Variants in PIH1D1 observed in about 807,000 individuals in gnomAD.
The protein encoded by PIH1D1 is PIH1 domain-containing protein 1.
In PIH1D1, 28 loss-of-function variants were observed where a neutral mutation model predicts 38.5. The observed-to-expected ratio is 0.73, with a 90% CI of 0.54 to 1.00. PIH1D1 has a LOEUF of 1.00. Ranked by LOEUF, PIH1D1 falls within the 50% of genes least tolerant of loss-of-function variation. The pLI, the probability that PIH1D1 is intolerant of heterozygous loss-of-function variation, is 0.00. For synonymous variants in PIH1D1, 155 were observed against 153.5 expected, an observed-to-expected ratio of 1.01 and a Z score of -0.07; for missense variants, 343 against 369.9, an observed-to-expected ratio of 0.93 and a Z score of 0.60.
At position 49,447,077 on chromosome 19, in the gene PIH1D1, G is replaced by C; in HGVS notation, c.634C>G (p.Leu212Val). The C allele has an allele frequency of 6.2e-7, 1 of 1,613,316 alleles. No homozygotes were observed. Among genetic ancestry groups the C allele is most frequent in the African/African-American group, 1.3e-5 (1 of 74,942 alleles). Residue 212 changes from leucine (L) to valine (V), a missense_variant, in exon 7 of 9, where the codon CTG (leucine) becomes GTG (valine). Coordinates refer to ENST00000262265, the MANE Select transcript of PIH1D1 (RefSeq NM_017916.3). ...AGGAGGTCGGGGGCTTCCAGCCACAGGTTCAGGTGAGGCTTTTCAGGCCTG... is the reference window on the plus strand; with the variant it reads ...AGGAGGTCGGGGGCTTCCAGCCACACGTTCAGGTGAGGCTTTTCAGGCCTG... ...ESGPEKPHLN[L>V]WLEAPDLLLA...
intron 2 of PIH1D1, among the ~76,000 whole-genome samples, chr19:49,450,572 C>T (rs2079052102): frequency 1.3e-5 from 2 of 152,176 alleles, no homozygotes; most frequent in Admixed American, 6.5e-5. Flanking sequence ...GCACGTGCCA[C>T]CGCACCTGGC....
chr19:49,451,150 C>T (rs561838631), intron 1 of PIH1D1, among the ~76,000 whole-genome samples: 2 of 151,666 alleles, frequency 1.3e-5, no homozygotes, highest in East Asian at 3.9e-4. Flanking sequence ...CTGCCTCAGC[C>T]TCTCCAGTAG....
chr19:49,449,313 G>T, intron 3 of PIH1D1, 162 bp downstream of exon 3: 1 of 755,006 alleles, frequency 1.3e-6, no homozygotes, highest in Non-Finnish European at 2.3e-6. Flanking sequence ...GCCCGGGTGT[G>T]GGATGTCCAG....
chr19:49,451,368 C>A, intron 1 of PIH1D1, 117 bp downstream of exon 1: 2 of 1,457,972 alleles, frequency 1.4e-6, no homozygotes, highest in South Asian at 1.2e-5. Flanking sequence ...GCCCATTAAC[C>A]TCAATTCCCC....
chr19:49,451,549 A>G lies in PIH1D1; in HGVS notation c.26T>C (p.Met9Thr), dbSNP rs145833297. ...GATCGCCTCCGCCTCGCTTAGCCCC[A>G]TTCCCAGCAGCTTCGGGTTCGCCAT... is the stretch of plus-strand genomic sequence containing the variant. Reference protein sequence around the residue: MANPKLLGMGLSEAEAIGA... With the variant: MANPKLLGTGLSEAEAIGA... Residue 9 changes from methionine (M) to threonine (T), a missense_variant, in exon 1 of 9, where the codon ATG becomes ACG. Coordinates refer to ENST00000262265, the MANE Select transcript of PIH1D1 (RefSeq NM_017916.3). The G allele has an allele frequency of 4.0e-5, 64 of 1,613,486 alleles. No homozygotes were observed. In the African/African-American group the frequency reaches 6.1e-4, roughly 15 times the overall value.
chr19:49,449,802 T>TC (rs2079047347), intron 2 of PIH1D1, 148 bp from the exon 3 acceptor site: 1 of 575,564 alleles, frequency 1.7e-6, no homozygotes, highest in East Asian at 2.9e-5. Context: ...CTCTTTTTTT[T>TC]TTTTTTTTTT....
intron 3 of PIH1D1, 117 bp from the exon 4 acceptor site, chr19:49,448,179 T>TA: frequency 2.9e-6 from 3 of 1,043,566 alleles, no homozygotes; most frequent in Non-Finnish European, 4.3e-6. Flanking sequence ...GAGAGAGACA[T>TA]AAGGAAGTGA....
rs1162263580 is a variant in PIH1D1, at chr19:49,451,559, G to A, written c.16C>T (p.Leu6=). 1.2e-6 allele frequency: 2 copies of A among 1,613,402 alleles called. No individual in the cohort carries two copies. The highest frequency in any genetic ancestry group is 1.7e-6 in the Non-Finnish European group (2 of 1,179,930). The change falls in exon 1 of 9, where the codon CTG becomes TTG. Residue 6 remains leucine, a synonymous_variant. Coordinates refer to ENST00000262265, the MANE Select transcript of PIH1D1 (RefSeq NM_017916.3). ...GCCTCGCTTAGCCCCATTCCCAGCA[G>A]CTTCGGGTTCGCCATGGCCCTGGGA... MANPK[L]LGMGLSEAEA...
chr19:49,446,438 C>G lies in PIH1D1; in HGVS notation c.832-15G>C, dbSNP rs896127345. 1 of 1,133,300 alleles carries G rather than the reference C, an allele frequency of 8.8e-7. No individual in the cohort carries two copies. The highest frequency in any genetic ancestry group is 1.7e-5 in the Admixed American group (1 of 59,442). The allele number at this position is 1,133,300 out of a possible 1,614,324, so 70.2% of individuals were successfully genotyped here. A position where few individuals can be genotyped will look rare whatever the true frequency, so the allele number is the denominator to read the frequency against. On this transcript the variant is annotated splice_polypyrimidine_tract_variant and intron_variant, in intron 8 of 8. Coordinates refer to ENST00000262265, the MANE Select transcript of PIH1D1 (RefSeq NM_017916.3). Reference sequence around the variant, plus strand: ...ACCATTAATTGCTGAGGAGACAGAGCAAAGAGAATGAGGATCCAGGACCCA... The same window carrying G: ...ACCATTAATTGCTGAGGAGACAGAGGAAAGAGAATGAGGATCCAGGACCCA...
At chr19:49,448,873 A>AG (rs1277091336) in intron 3 of PIH1D1, 34 of 194,400 alleles carry the variant, frequency 1.7e-4, no homozygotes, top group African/African-American at 7.6e-4. Flanking sequence ...GAAAGGGAGA[A>AG]GGGCAGAGGA....
chr19:49,446,747 G>C (rs776906760), intron 7 of PIH1D1, 53 bp from the exon 8 acceptor site: 5 of 1,512,610 alleles, frequency 3.3e-6, no homozygotes, highest in Non-Finnish European at 4.4e-6. Context: ...ATGATCACCT[G>C]GACCAGGCAT....
chr19:49,447,210 CAGG>C lies in PIH1D1; in HGVS notation c.612-114_612-112del, dbSNP rs1378957526. On this transcript the variant is annotated intron_variant, in intron 6 of 8. Coordinates refer to ENST00000262265, the MANE Select transcript of PIH1D1 (RefSeq NM_017916.3). ...ATTGGCCTCAGGACGCCTTCCCAGT[CAGG>C]AGTTCTCTCTCCTCCCTCTCTCAGT... The C allele has an allele frequency of 7.4e-6, 11 of 1,487,508 alleles. No homozygotes were observed. In the Middle Eastern group the frequency reaches 6.3e-4, roughly 85 times the overall value. 92.1% of individuals were successfully genotyped at this position (1,487,508 alleles called of 1,614,324 possible). A position where few individuals can be genotyped will look rare whatever the true frequency, so the allele number is the denominator to read the frequency against.
In PIH1D1 at chr19:49,446,643, C is replaced by A; in HGVS notation, c.739G>T (p.Gly247Trp). 1 of 1,603,920 alleles carries A rather than the reference C, an allele frequency of 6.2e-7. No individual in the cohort carries two copies. Among genetic ancestry groups the A allele is most frequent in the East Asian group, 2.2e-5 (1 of 44,742 alleles). Residue 247 changes from glycine to tryptophan, a missense_variant, in exon 8 of 9, where the codon GGG becomes TGG. Gly to Trp is a radical substitution (Grantham distance 184, BLOSUM62 -2). Coordinates refer to ENST00000262265, the MANE Select transcript of PIH1D1 (RefSeq NM_017916.3). ...LEIGENRLVM[G>W]GPQQLYHLDA... ...AGATGATACAGCTGCTGGGGGCCCC[C>A]CATCACCAGGCGGTTCTCCCCGATC...
intron 3 of PIH1D1, 136 bp from the exon 4 acceptor site, chr19:49,448,198 C>T: frequency 1.2e-6 from 1 of 840,042 alleles, no homozygotes; most frequent in Non-Finnish European, 1.9e-6. Flanking sequence ...GAGAGCTGGG[C>T]ACTCACTTTC....
chr19:49,446,718 C>T (rs2079025641), intron 7 of PIH1D1, 24 bp from the exon 8 acceptor site: 4 of 1,533,778 alleles, frequency 2.6e-6, no homozygotes, highest in Non-Finnish European at 3.5e-6. Context: ...GGAATCAGGT[C>T]ACCCTCCCCA....
intron 1 of PIH1D1, 158 bp downstream of exon 1, chr19:49,451,326 GC>G (rs370911909): frequency 1.9e-6 from 2 of 1,042,596 alleles, no homozygotes; most frequent in Admixed American, 2.4e-5. Flanking sequence ...ACCGCGCCCG[GC>G]CCCCCACTCC....
At position 49,447,757 on chromosome 19, in the gene PIH1D1, T is replaced by C. The variant is rs2079033369; in HGVS notation, c.481+70A>G. 3 of 1,490,208 alleles carry C rather than the reference T, an allele frequency of 2.0e-6. No individual in the cohort carries two copies. The African/African-American group carries it at 4.1e-5, about 21-fold the overall frequency. 92.3% of individuals were successfully genotyped at this position (1,490,208 alleles called of 1,614,324 possible). A position where few individuals can be genotyped will look rare whatever the true frequency, so the allele number is the denominator to read the frequency against. On this transcript the variant is annotated intron_variant, in intron 5 of 8. Coordinates refer to ENST00000262265, the MANE Select transcript of PIH1D1 (RefSeq NM_017916.3). ...GCACCCTGCCCAAGCCAGCCCCTCC[T>C]CTCCTAGGGGTGTTCCCCAAACCGC...
chr19:49,451,731 C>A lies in PIH1D1; in HGVS notation c.-157G>T. 7.0e-7 allele frequency: 1 copy of A among 1,428,504 alleles called. No homozygotes were observed. The highest frequency in any genetic ancestry group is 9.2e-7 in the Non-Finnish European group (1 of 1,091,824). 88.5% of individuals were successfully genotyped at this position (1,428,504 alleles called of 1,614,324 possible). ...ACTGGCCTAAGACTACATTTCCATT[C>A]AAGACCGAACACCATCGTCAAATCC... On this transcript the variant is annotated 5_prime_UTR_variant, in exon 1 of 9. An upstream open reading frame in the 5' UTR gains an earlier in-frame stop. Transcript: ENST00000262265.
rs2079034266 is a variant in PIH1D1, at chr19:49,447,872, C to A, written c.436G>T (p.Ala146Ser). 3 of 1,614,042 alleles carry A rather than the reference C, an allele frequency of 1.9e-6. No individual in the cohort carries two copies. Among genetic ancestry groups the A allele is most frequent in the African/African-American group, 1.3e-5 (1 of 74,906 alleles). The stretch of plus-strand genomic sequence containing the variant: ...TATTTGTCCTCAAGGCCCTCCCTGG[C>A]GATGGTGATCACGAGCTCCCGCAAG... ...DFLRELVITI[A>S]REGLEDKYNL... The change falls in exon 5 of 9, where the codon GCC becomes TCC. Residue 146 changes from alanine to serine, a missense_variant. Ala to Ser is a moderately conservative substitution (Grantham distance 99, BLOSUM62 1). Transcript: ENST00000262265.
Sources: gnomAD v4.1 joint callset for allele counts (sites outside exome capture counted in the v4.1 genomes callset) on GRCh38, gnomAD v4.1.1 for gene constraint, MANE v1.5 for transcripts, NCBI Gene and HGNC (gene_info 2026-07-23, HGNC 2026-07-21) for gene names.